Variants in DNM3 observed in about 807,000 individuals in gnomAD.
The protein encoded by DNM3 is dynamin 3.
A neutral mutation model predicts 101.6 loss-of-function variants in DNM3; 47 were observed. The observed-to-expected ratio is 0.46, with a 90% CI of 0.37 to 0.59. DNM3 has a LOEUF of 0.59. Among genes scored for constraint, DNM3 ranks in the 20% least tolerant of loss-of-function variants. The pLI is 0.00. For missense variants in DNM3, 849 were observed against 1,085.7 expected, an observed-to-expected ratio of 0.78 and a Z score of 3.06; for synonymous variants, 385 against 387.9, an observed-to-expected ratio of 0.99 and a Z score of 0.09.
At chr1:171,877,336 GA>G (rs747279189) in intron 1 of DNM3, among the ~76,000 whole-genome samples, 57 of 152,138 alleles carry the variant, frequency 3.7e-4, no homozygotes, top group Non-Finnish European at 6.6e-4. Context: ...ATAAAGCAAA[GA>G]CTATTTTAGA....
At chr1:171,997,751 T>G (rs16843681) in intron 4 of DNM3, among the ~76,000 whole-genome samples, 46,161 of 152,068 alleles carry the variant, frequency 0.3, 10,251 homozygotes, top group African/African-American at 0.64. Flanking sequence ...CACCTGGTAG[T>G]ACACTAGACT....
intron 17 of DNM3, among the ~76,000 whole-genome samples, chr1:172,357,568 CTG>C (rs1371719995): frequency 6.6e-6 from 1 of 152,012 alleles, no homozygotes; most frequent in African/African-American, 2.4e-5. Context: ...TGAAAAAAGA[CTG>C]AGGTATTGCT....
chr1:172,245,566 G>A (rs1029926711), intron 14 of DNM3, among the ~76,000 whole-genome samples: 1 of 152,208 alleles, frequency 6.6e-6, no homozygotes, highest in African/African-American at 2.4e-5. Flanking sequence ...CAAAGTGCCT[G>A]GTTGGGTAGA....
At chr1:172,196,514 A>C (rs752328122) in intron 14 of DNM3, among the ~76,000 whole-genome samples, 1 of 152,082 alleles carries the variant, frequency 6.6e-6, no homozygotes, top group African/African-American at 2.4e-5. Flanking sequence ...ACTAATTTAC[A>C]TTCCCACCAA....
intron 2 of DNM3, among the ~76,000 whole-genome samples, chr1:171,949,803 C>T (rs2042396432): frequency 6.6e-6 from 1 of 152,120 alleles, no homozygotes. Flanking sequence ...TGCGGAGGAA[C>T]TGGAACTCTT....
At position 172,102,842 on chromosome 1, in the gene DNM3, G is replaced by A. The variant is rs553306666; in HGVS notation, c.1545+9967G>A. 2.0e-5 allele frequency among the ~76,000 whole-genome samples: 3 copies of A among 152,054 alleles called. No homozygotes were observed. The East Asian group carries it at 5.8e-4, about 29-fold the overall frequency. ...ACAAGTGTGGTGTGTTTGATTCCAA[G>A]TAAGCAAATGCCTGTATTATTCCAA... On this transcript the variant is annotated intron_variant, in intron 13 of 20. Coordinates refer to ENST00000627582, the MANE Select transcript of DNM3 (RefSeq NM_015569.5).
At chr1:171,923,418 A>C (rs2040332239) in intron 2 of DNM3, among the ~76,000 whole-genome samples, 1 of 152,038 alleles carries the variant, frequency 6.6e-6, no homozygotes, top group African/African-American at 2.4e-5. Flanking sequence ...GTCCCATATC[A>C]GATATTTGAT....
chr1:172,164,879 C>T (rs993842913), intron 14 of DNM3, among the ~76,000 whole-genome samples: 10 of 151,986 alleles, frequency 6.6e-5, no homozygotes, highest in African/African-American at 2.4e-4. Flanking sequence ...CTAGGGTGGT[C>T]AAAAGTGGCT....
At chr1:172,348,581 A>G (rs1043243539) in intron 17 of DNM3, among the ~76,000 whole-genome samples, 1 of 152,234 alleles carries the variant, frequency 6.6e-6, no homozygotes, top group Non-Finnish European at 1.5e-5. Context: ...TTATGTACAG[A>G]GTATTTTGTG....
Position 172,041,990 on chromosome 1 carries a change from T to C in DNM3, c.993-19T>C. 6.4e-7 allele frequency: 1 copy of C among 1,562,704 alleles called. No individual in the cohort carries two copies. The highest frequency in any genetic ancestry group is 8.6e-7 in the Non-Finnish European group (1 of 1,159,778). ...GCTTGTAACTTTGACTTGAATCTAT[T>C]TCTCTTTAACAATTACAGGATGGTT... On this transcript the variant is annotated intron_variant, in intron 7 of 20. Coordinates refer to ENST00000627582, the MANE Select transcript of DNM3 (RefSeq NM_015569.5).
chr1:172,017,685 A>T (rs1238999457), intron 4 of DNM3, among the ~76,000 whole-genome samples: 1 of 152,172 alleles, frequency 6.6e-6, no homozygotes, highest in South Asian at 2.1e-4. Flanking sequence ...TGTTGGATGT[A>T]GTAGCCTATA....
At chr1:171,964,280 A>G (rs1407734588) in intron 2 of DNM3, among the ~76,000 whole-genome samples, 1 of 152,094 alleles carries the variant, frequency 6.6e-6, no homozygotes, top group Non-Finnish European at 1.5e-5. Flanking sequence ...TTTACAGTCT[A>G]TTCTCTCTGA....
intron 14 of DNM3, among the ~76,000 whole-genome samples, chr1:172,237,805 C>G (rs1280623595): frequency 6.6e-6 from 1 of 152,160 alleles, no homozygotes; most frequent in African/African-American, 2.4e-5. Context: ...GAAACTTTAG[C>G]TGATCAACAA....
intron 1 of DNM3, among the ~76,000 whole-genome samples, chr1:171,888,675 G>C (rs1194752041): frequency 6.6e-6 from 1 of 152,192 alleles, no homozygotes; most frequent in Non-Finnish European, 1.5e-5. Flanking sequence ...ATGCATTCTT[G>C]TTTTATCTTG....
chr1:171,950,087 A>T (rs1182095273), intron 2 of DNM3, among the ~76,000 whole-genome samples: 6 of 152,174 alleles, frequency 3.9e-5, no homozygotes, highest in African/African-American at 1.2e-4. Flanking sequence ...AAAAGGAATT[A>T]TGTGCTCAAT....
chr1:172,205,932 C>T (rs112313802), intron 14 of DNM3, among the ~76,000 whole-genome samples: 1,721 of 152,140 alleles, frequency 0.011, 43 homozygotes, highest in African/African-American at 0.039. Flanking sequence ...TCCTTTGCAC[C>T]TTGAATGGAT....
chr1:172,069,186 A>G (rs1013782155), intron 11 of DNM3, among the ~76,000 whole-genome samples: 2 of 152,200 alleles, frequency 1.3e-5, no homozygotes, highest in African/African-American at 4.8e-5. Flanking sequence ...TCAATGCTCC[A>G]TGGATCATGC....
At chr1:171,993,981 G>T (rs1244972352) in intron 4 of DNM3, among the ~76,000 whole-genome samples, 4 of 151,496 alleles carry the variant, frequency 2.6e-5, no homozygotes, top group Non-Finnish European at 5.9e-5. Flanking sequence ...TCTGTATTTG[G>T]TGAAACATTA....
At chr1:171,946,685 C>T (rs975927168) in intron 2 of DNM3, among the ~76,000 whole-genome samples, 1 of 152,162 alleles carries the variant, frequency 6.6e-6, no homozygotes, top group Admixed American at 6.5e-5. Flanking sequence ...TTATTTGGCT[C>T]ATGGTTCTGA....
Sources: gnomAD v4.1 joint callset for allele counts (sites outside exome capture counted in the v4.1 genomes callset) on GRCh38, gnomAD v4.1.1 for gene constraint, MANE v1.5 for transcripts, NCBI Gene and HGNC (gene_info 2026-07-23, HGNC 2026-07-21) for gene names.